KIF6: variants seen among roughly 807,000 people sequenced by gnomAD.
KIF6 encodes kinesin family member 6, also known as kinesin-like protein KIF6.
A neutral mutation model predicts 112.7 loss-of-function variants in KIF6; 106 were observed. The observed-to-expected ratio is 0.94, with a 90% CI of 0.80 to 1.11. The LOEUF (loss-of-function observed/expected upper bound fraction) is 1.11, where lower values mean the gene tolerates loss of function less well. KIF6 is among the 50% of genes least tolerant of loss of function. The pLI is 0.00. For synonymous variants in KIF6, 339 were observed against 339.9 expected, an observed-to-expected ratio of 1.00 and a Z score of 0.03; for missense variants, 929 against 964.0, an observed-to-expected ratio of 0.96 and a Z score of 0.48.
intron 15 of KIF6, among the ~76,000 whole-genome samples, chr6:39,397,717 CA>C (rs1768377087): frequency 6.6e-6 from 1 of 152,022 alleles, no homozygotes; most frequent in Non-Finnish European, 1.5e-5. Flanking sequence ...GAGGTTTTTG[CA>C]GTGAAGCTTT....
At chr6:39,656,293 A>G (rs939495168) in intron 3 of KIF6, among the ~76,000 whole-genome samples, 1 of 152,122 alleles carries the variant, frequency 6.6e-6, no homozygotes, top group Non-Finnish European at 1.5e-5. Context: ...GCCCATTTCG[A>G]TTATGTGTGC....
At chr6:39,397,628 T>G (rs1440899429) in intron 15 of KIF6, among the ~76,000 whole-genome samples, 1 of 152,104 alleles carries the variant, frequency 6.6e-6, no homozygotes, top group African/African-American at 2.4e-5. Context: ...GCTGGTCATT[T>G]TGGGGATAAT....
chr6:39,601,718 ACAC>A (rs1782582711), intron 6 of KIF6, among the ~76,000 whole-genome samples: 1 of 116,084 alleles, frequency 8.6e-6, no homozygotes, highest in Non-Finnish European at 1.6e-5. Flanking sequence ...TGGGACACAC[ACAC>A]ACACACACAC....
At chr6:39,355,709 G>A (rs1056257604) in intron 19 of KIF6, among the ~76,000 whole-genome samples, 5 of 151,828 alleles carry the variant, frequency 3.3e-5, no homozygotes, top group Non-Finnish European at 5.9e-5. Context: ...TGATCCGCCC[G>A]TCTCAGCCTC....
chr6:39,425,041 G>A (rs1298525696), intron 14 of KIF6, among the ~76,000 whole-genome samples: 2 of 152,142 alleles, frequency 1.3e-5, no homozygotes, highest in South Asian at 2.1e-4. Flanking sequence ...GGAAGCAGCT[G>A]GCTCTGCCCC....
At chr6:39,594,886 A>G in intron 7 of KIF6, among the ~76,000 whole-genome samples, 1 of 152,048 alleles carries the variant, frequency 6.6e-6, no homozygotes, top group South Asian at 2.1e-4. Context: ...TGCCATCTTT[A>G]ACATTCATCT....
chr6:39,410,436 A>G (rs899340169), intron 15 of KIF6, among the ~76,000 whole-genome samples: 5 of 152,226 alleles, frequency 3.3e-5, no homozygotes, highest in Non-Finnish European at 5.9e-5. Context: ...CTTACATACC[A>G]TATTCTATAA....
intron 13 of KIF6, among the ~76,000 whole-genome samples, chr6:39,434,745 G>A (rs1221919496): frequency 2.0e-5 from 3 of 152,022 alleles, no homozygotes; most frequent in African/African-American, 7.2e-5. Flanking sequence ...CAAGCAGGAG[G>A]GAGCAAGTGA....
chr6:39,336,144 C>T lies in KIF6; in HGVS notation c.*388G>A, dbSNP rs745655730. ...TCGTTAAAAATAAAAATATTCCCCC[C>T]ACATTCCACTGGTGTGAGCATCCTC... is the stretch of plus-strand genomic sequence containing the variant. On this transcript the variant is annotated 3_prime_UTR_variant, in exon 23 of 23. Coordinates refer to ENST00000287152, the MANE Select transcript of KIF6 (RefSeq NM_145027.6). 16 of 170,564 alleles carry T rather than the reference C, an allele frequency of 9.4e-5. No homozygotes were observed. Among genetic ancestry groups the T allele is most frequent in the Non-Finnish European group, 1.9e-4 (15 of 80,486 alleles). The allele number at this position is 170,564 out of a possible 1,614,324, so 10.6% of individuals were successfully genotyped here. A position where few individuals can be genotyped will look rare whatever the true frequency, so the allele number is the denominator to read the frequency against.
chr6:39,584,684 A>T (rs1446849064), intron 9 of KIF6, among the ~76,000 whole-genome samples: 1 of 152,060 alleles, frequency 6.6e-6, no homozygotes, highest in Non-Finnish European at 1.5e-5. Context: ...TATGACTCTG[A>T]GCAAGTTATC....
Position 39,333,589 on chromosome 6 carries a change from A to G in KIF6, c.*2943T>C, listed in dbSNP as rs1372117764. On this transcript the variant is annotated 3_prime_UTR_variant, in exon 23 of 23. Transcript: ENST00000287152. ...GCCTCTGCCTGGATCAGGTTTGCCA[A>G]CACCACATTAGTCAAAGTGGGCCAT... 6.6e-6 allele frequency: 1 copy of G among 152,260 alleles called. No individual in the cohort carries two copies. Among genetic ancestry groups the G allele is most frequent in the Non-Finnish European group, 1.5e-5 (1 of 68,054 alleles). 9.4% of individuals were successfully genotyped at this position (152,260 alleles called of 1,614,324 possible).
At chr6:39,529,596 T>C (rs528753272) in intron 13 of KIF6, among the ~76,000 whole-genome samples, 1 of 152,170 alleles carries the variant, frequency 6.6e-6, no homozygotes, top group African/African-American at 2.4e-5. Context: ...ACTATTCTGG[T>C]TAACACAGTG....
intron 13 of KIF6, among the ~76,000 whole-genome samples, chr6:39,511,038 T>C (rs1376849807): frequency 6.6e-6 from 1 of 152,080 alleles, no homozygotes; most frequent in East Asian, 1.9e-4. Flanking sequence ...ATGCACCCAA[T>C]ACAGGAGCAC....
intron 3 of KIF6, among the ~76,000 whole-genome samples, chr6:39,659,652 TCCC>T (rs1786016001): frequency 6.6e-6 from 1 of 152,158 alleles, no homozygotes; most frequent in Admixed American, 6.5e-5. Context: ...AAGGGGCTTT[TCCC>T]CCTTTGCTTG....
chr6:39,575,188 C>G (rs557106611), intron 10 of KIF6, among the ~76,000 whole-genome samples: 148 of 152,208 alleles, frequency 9.7e-4, no homozygotes, highest in African/African-American at 3.2e-3. Flanking sequence ...CTCATCTTTC[C>G]TGGACTCTCA....
intron 22 of KIF6, among the ~76,000 whole-genome samples, chr6:39,337,846 C>T (rs1054391670): frequency 6.6e-6 from 1 of 152,186 alleles, no homozygotes; most frequent in African/African-American, 2.4e-5. Flanking sequence ...TGTCAGTTCT[C>T]TGGGCCTAAC....
chr6:39,593,787 G>A (rs74673511), intron 7 of KIF6, among the ~76,000 whole-genome samples: 6 of 152,180 alleles, frequency 3.9e-5, no homozygotes, highest in East Asian at 1.9e-4. Flanking sequence ...ATTCCTCTGC[G>A]TGGTATCAGG....
intron 3 of KIF6, among the ~76,000 whole-genome samples, chr6:39,685,823 C>T (rs988354172): frequency 6.6e-6 from 1 of 152,192 alleles, no homozygotes; most frequent in Admixed American, 6.5e-5. Flanking sequence ...GGTCATAGCC[C>T]CTCCAAATTT....
At chr6:39,517,921 A>G (rs1777171621) in intron 13 of KIF6, among the ~76,000 whole-genome samples, 1 of 152,214 alleles carries the variant, frequency 6.6e-6, no homozygotes, top group Non-Finnish European at 1.5e-5. Context: ...CACATTAGGC[A>G]GAACATCACT....
Sources: gnomAD v4.1 joint callset for allele counts (sites outside exome capture counted in the v4.1 genomes callset) on GRCh38, gnomAD v4.1.1 for gene constraint, MANE v1.5 for transcripts, NCBI Gene and HGNC (gene_info 2026-07-23, HGNC 2026-07-21) for gene names.